CAMTA1: variants seen among roughly 807,000 people sequenced by gnomAD.
CAMTA1 encodes the protein calmodulin binding transcription activator 1, also known as calmodulin-binding transcription activator 1.
In CAMTA1, 27 loss-of-function variants were observed where a neutral mutation model predicts 170.9. That is an observed-to-expected ratio of 0.16 (90% confidence interval 0.12 to 0.22). The LOEUF is 0.22. Among genes scored for constraint, CAMTA1 ranks in the 10% least tolerant of loss-of-function variants. The pLI, the probability that CAMTA1 is intolerant of heterozygous loss-of-function variation, is 1.00. For synonymous variants in CAMTA1, 833 were observed against 891.5 expected (o/e 0.93, Z 1.17); for missense variants, 1,619 against 2,217.2 (o/e 0.73, Z 5.42).
At chr1:7,647,080 G>A (rs1000962060) in intron 7 of CAMTA1, among the ~76,000 whole-genome samples, 1 of 152,148 alleles carries the variant, frequency 6.6e-6, no homozygotes, top group African/African-American at 2.4e-5. Flanking sequence ...TGCTCAGAGC[G>A]GCTGCTTAGC....
intron 5 of CAMTA1, among the ~76,000 whole-genome samples, chr1:7,370,630 G>A (rs1248478863): frequency 1.3e-5 from 2 of 152,168 alleles, no homozygotes; most frequent in Non-Finnish European, 2.9e-5. Context: ...ATATCGCTAA[G>A]TGAGAAAGAA....
chr1:7,413,109 A>G (rs1440309143), intron 5 of CAMTA1, among the ~76,000 whole-genome samples: 3 of 151,306 alleles, frequency 2.0e-5, no homozygotes, highest in East Asian at 1.9e-4. Flanking sequence ...TGTTCCATTG[A>G]TCTATATCTC....
chr1:6,889,981 C>A (rs546076164), intron 3 of CAMTA1, among the ~76,000 whole-genome samples: 3 of 152,294 alleles, frequency 2.0e-5, no homozygotes, highest in Admixed American at 2.0e-4. Flanking sequence ...GTTAGCACTT[C>A]ATTGATTTGA....
At chr1:7,331,982 A>G (rs926984047) in intron 5 of CAMTA1, among the ~76,000 whole-genome samples, 3 of 152,212 alleles carry the variant, frequency 2.0e-5, no homozygotes, top group Non-Finnish European at 4.4e-5. Flanking sequence ...TTGTGCAGAA[A>G]GATTGGCTTC....
intron 5 of CAMTA1, among the ~76,000 whole-genome samples, chr1:7,425,758 CA>C (rs1453937052): frequency 2.0e-5 from 3 of 151,974 alleles, no homozygotes; most frequent in Non-Finnish European, 4.4e-5. Flanking sequence ...CTGAGACCAG[CA>C]AACAGGGAGC....
rs149293231 is a variant in CAMTA1 at position 6,907,357 on chromosome 1, C to T, written c.234+82147C>T. On this transcript the variant is annotated intron_variant, in intron 3 of 22. Transcript: ENST00000303635. ...CGAACTTGCAGTCTCAGCAGCAGCT[C>T]TCCCGGCGCCCCCTCCTGCCCTCCC... Among the ~76,000 whole-genome samples, 342 of 152,268 alleles carry T rather than the reference C, an allele frequency of 2.2e-3. 2 individuals carry two copies. The Middle Eastern group carries it at 0.024, about 11-fold the overall frequency.
intron 3 of CAMTA1, among the ~76,000 whole-genome samples, chr1:6,963,379 C>G (rs1391077404): frequency 2.0e-5 from 3 of 150,116 alleles, no homozygotes; most frequent in Admixed American, 6.7e-5. Flanking sequence ...AGCCACCCCT[C>G]TTTCCAATCG....
intron 3 of CAMTA1, among the ~76,000 whole-genome samples, chr1:6,843,596 C>T (rs879710275): frequency 6.6e-6 from 1 of 152,208 alleles, no homozygotes; most frequent in Non-Finnish European, 1.5e-5. Flanking sequence ...TCTTCCGCCT[C>T]AGTCTCCCAG....
At chr1:7,704,881 C>T (rs1308782830) in intron 11 of CAMTA1, among the ~76,000 whole-genome samples, 2 of 146,086 alleles carry the variant, frequency 1.4e-5, no homozygotes, top group African/African-American at 5.0e-5. Context: ...AGGAGCCGAG[C>T]TCAGCAGGTC....
intron 15 of CAMTA1, 126 bp from the exon 16 acceptor site, chr1:7,737,833 T>C (rs1577310496): frequency 1.1e-6 from 1 of 950,330 alleles, no homozygotes; most frequent in Non-Finnish European, 1.6e-6. Context: ...GATATTTAAA[T>C]GTTAGGGACG....
chr1:7,202,741 C>A (rs567023336), intron 4 of CAMTA1, among the ~76,000 whole-genome samples: 24 of 152,206 alleles, frequency 1.6e-4, no homozygotes, highest in African/African-American at 5.8e-4. Flanking sequence ...AACCTGCAAC[C>A]TTGCTGAATT....
chr1:7,181,294 A>G (rs1237680940), intron 4 of CAMTA1, among the ~76,000 whole-genome samples: 1 of 152,226 alleles, frequency 6.6e-6, no homozygotes, highest in East Asian at 1.9e-4. Flanking sequence ...TGTTGATGGG[A>G]AAACACTAGA....
At chr1:6,833,340 G>A (rs954313741) in intron 3 of CAMTA1, among the ~76,000 whole-genome samples, 2 of 151,988 alleles carry the variant, frequency 1.3e-5, no homozygotes, top group Non-Finnish European at 2.9e-5. Context: ...ATGAATTAAC[G>A]TAAAAACACA....
intron 1 of CAMTA1, among the ~76,000 whole-genome samples, chr1:6,812,603 AT>A (rs1645310459): frequency 6.6e-6 from 1 of 152,188 alleles, no homozygotes; most frequent in South Asian, 2.1e-4. Flanking sequence ...AAATGTGGAC[AT>A]TTAGTAAGTG....
At position 7,248,077 on chromosome 1, in the gene CAMTA1, C is replaced by T. The variant is rs185385937; in HGVS notation, c.303-1414C>T. 6.6e-6 allele frequency among the ~76,000 whole-genome samples: 1 copy of T among 152,284 alleles called. No individual in the cohort carries two copies. The highest frequency in any genetic ancestry group is 1.9e-4 in the East Asian group (1 of 5,170). ...TCCAGCGGAATTGCTGTTTAGTCAT[C>T]ATATTGCCGCTGAATGACATAGTGG... On this transcript the variant is annotated intron_variant, in intron 4 of 22. Coordinates refer to ENST00000303635, the MANE Select transcript of CAMTA1 (RefSeq NM_015215.4). The surrounding 1 kb of genome is among the most constrained non-coding windows in gnomAD (Gnocchi z 4.0).
intron 5 of CAMTA1, among the ~76,000 whole-genome samples, chr1:7,276,193 A>AT (rs531409389): frequency 2.0e-3 from 274 of 138,814 alleles, no homozygotes; most frequent in Middle Eastern, 0.018. Context: ...TTCATGATTA[A>AT]AAAAAAAAAC....
intron 6 of CAMTA1, among the ~76,000 whole-genome samples, chr1:7,478,007 C>CTTA (rs2093449672): frequency 6.6e-6 from 1 of 152,204 alleles, no homozygotes; most frequent in Non-Finnish European, 1.5e-5. Context: ...TTCTTTGAAC[C>CTTA]TTATTTCCTT....
intron 6 of CAMTA1, among the ~76,000 whole-genome samples, chr1:7,615,083 G>A (rs889659263): frequency 2.6e-5 from 4 of 151,992 alleles, no homozygotes; most frequent in Admixed American, 1.3e-4. Flanking sequence ...TCATCCATAC[G>A]ACGTGTTTGC....
chr1:7,732,272 T>G lies in CAMTA1; in HGVS notation c.2915-176T>G, dbSNP rs2096739397. Among the ~76,000 whole-genome samples, 1 of 152,142 alleles carries G rather than the reference T, an allele frequency of 6.6e-6. No homozygotes were observed. The highest frequency in any genetic ancestry group is 6.5e-5 in the Admixed American group (1 of 15,268). ...GGCTGCTGAAGGTGCCACCATCCTG[T>G]GTGAGGTGGTGACAGATTCACGATC... On this transcript the variant is annotated intron_variant, in intron 11 of 22. Coordinates refer to ENST00000303635, the MANE Select transcript of CAMTA1 (RefSeq NM_015215.4). The surrounding 1 kb of genome is among the most constrained non-coding windows in gnomAD (Gnocchi z 4.1).
Sources: allele counts gnomAD v4.1 joint callset (sites outside exome capture counted in the v4.1 genomes callset), GRCh38; gene constraint gnomAD v4.1.1; non-coding constraint Gnocchi (gnomAD v3.1); transcripts MANE v1.5; gene names NCBI Gene and HGNC (gene_info 2026-07-23, HGNC 2026-07-21).